SUPT16H: variants seen among roughly 807,000 people sequenced by gnomAD.
The protein encoded by SUPT16H is FACT complex subunit SPT16.
In SUPT16H, 24 loss-of-function variants were observed where a neutral mutation model predicts 136.2. That is an observed-to-expected ratio of 0.18 (90% confidence interval 0.13 to 0.25). SUPT16H has a LOEUF of 0.25. Among genes scored for constraint, SUPT16H ranks in the 10% least tolerant of loss-of-function variants. The probability of loss-of-function intolerance (pLI) is 1.00; values close to 1 mark genes in which losing one functional copy is unlikely to be tolerated. For synonymous variants in SUPT16H, 415 were observed against 428.2 expected, an observed-to-expected ratio of 0.97 and a Z score of 0.38; for missense variants, 623 against 1,270.2, an observed-to-expected ratio of 0.49 and a Z score of 7.74.
chr14:21,362,999 C>T (rs529513085), intron 13 of SUPT16H, 35 bp downstream of exon 13: 2 of 1,613,906 alleles, frequency 1.2e-6, no homozygotes, highest in South Asian at 2.2e-5. Flanking sequence ...CCACAGAACC[C>T]TCAGATGATC....
In SUPT16H at chr14:21,363,030, T is replaced by G. The variant is rs1182238675; in HGVS notation, c.1511+4A>C. 7 of 1,614,062 alleles carry G rather than the reference T, an allele frequency of 4.3e-6. No homozygotes were observed. Among genetic ancestry groups the G allele is most frequent in the Non-Finnish European group, 5.1e-6 (6 of 1,180,036 alleles). On this transcript the variant is annotated splice_donor_region_variant and intron_variant, in intron 13 of 25. Transcript: ENST00000216297. The stretch of plus-strand genomic sequence containing the variant: ...TGATCTCACTGCTCAGTGAAAACTC[T>G]TACTTCTGAATCTGCTGTTCTCCCT...
chr14:21,373,506 G>T, intron 1 of SUPT16H, 76 bp from the exon 2 acceptor site: 1 of 1,078,728 alleles, frequency 9.3e-7, no homozygotes, highest in South Asian at 1.3e-5. Context: ...ATTTATCTAG[G>T]ACAGGCATAA....
rs1354903880 is a variant in SUPT16H, at chr14:21,362,268, G to A, written c.1722C>T (p.Cys574=). The A allele has an allele frequency of 6.2e-7, 1 of 1,613,768 alleles. No homozygotes were observed. The highest frequency in any genetic ancestry group is 2.2e-5 in the East Asian group (1 of 44,866). ...DYTYLRINFY[C]PGSALGRNEG... is the part of the protein sequence containing the mutation. Reference sequence around the variant, plus strand: ...CATTCCTGCCCAGAGCACTGCCTGGGCAATAAAAGTTGATTCGCAAGTAAG... The same window carrying A: ...CATTCCTGCCCAGAGCACTGCCTGGACAATAAAAGTTGATTCGCAAGTAAG... Residue 574 remains cysteine (C), a synonymous_variant, in exon 15 of 26, where the codon TGC becomes TGT. Transcript: ENST00000216297.
Position 21,371,982 on chromosome 14 carries a change from G to T in SUPT16H, c.222C>A (p.Ile74=). The change falls in exon 3 of 26, where the codon ATC becomes ATA. Residue 74 remains isoleucine, a synonymous_variant. Transcript: ENST00000216297. ...CCACTTTTTTCTTGCTGGCCATAAA[G>T]ATGATTTTGTCATCACAAAAGACCA... ...TIMVFCDDKI[I]FMASKKKVEF... 1 of 1,614,006 alleles carries T rather than the reference G, an allele frequency of 6.2e-7. No individual in the cohort carries two copies. Among genetic ancestry groups the T allele is most frequent in the East Asian group, 2.2e-5 (1 of 44,868 alleles).
intron 16 of SUPT16H, 33 bp from the exon 17 acceptor site, chr14:21,361,005 C>T: frequency 6.2e-7 from 1 of 1,611,778 alleles, no homozygotes; most frequent in Non-Finnish European, 8.5e-7. Flanking sequence ...TGAATTGTCA[C>T]ATATCCTTAC....
chr14:21,374,023 T>C (rs893773719), intron 1 of SUPT16H, among the ~76,000 whole-genome samples: 1 of 152,240 alleles, frequency 6.6e-6, no homozygotes, highest in East Asian at 1.9e-4. Context: ...CCACCATGCC[T>C]GGGCCAAACT....
At position 21,368,475 on chromosome 14, in the gene SUPT16H, A is replaced by G. The variant is rs778321849; in HGVS notation, c.783-34T>C. The G allele has an allele frequency of 4.5e-6, 7 of 1,572,790 alleles. No homozygotes were observed. The East Asian group carries it at 1.6e-4, about 36-fold the overall frequency. ...CAACAAAGAAAGAAAACATTTCATT[A>G]CCAAAACTAGCAAAGTCCTTGGTAT... On this transcript the variant is annotated intron_variant, in intron 6 of 25. Coordinates refer to ENST00000216297, the MANE Select transcript of SUPT16H (RefSeq NM_007192.4).
At chr14:21,370,209 A>G in intron 4 of SUPT16H, 127 bp downstream of exon 4, 1 of 1,282,342 alleles carries the variant, frequency 7.8e-7, no homozygotes, top group Admixed American at 2.3e-5. Flanking sequence ...CTGCTCAGCC[A>G]AAGGGGATAA....
intron 1 of SUPT16H, among the ~76,000 whole-genome samples, chr14:21,379,717 TAA>T (rs1566397055): frequency 1.3e-5 from 2 of 151,470 alleles, no homozygotes; most frequent in Non-Finnish European, 2.9e-5. Context: ...TAAATAACAA[TAA>T]TAATAATAAT....
chr14:21,368,626 G>A (rs1886722343), intron 6 of SUPT16H, among the ~76,000 whole-genome samples, 185 bp from the exon 7 acceptor site: 1 of 152,208 alleles, frequency 6.6e-6, no homozygotes, highest in African/African-American at 2.4e-5. Context: ...AGGCTCTGGA[G>A]TAAAAGTCAG....
chr14:21,380,147 A>G (rs1415569892), intron 1 of SUPT16H, among the ~76,000 whole-genome samples: 7 of 152,184 alleles, frequency 4.6e-5, no homozygotes, highest in Non-Finnish European at 8.8e-5. Flanking sequence ...ATTCGGTATT[A>G]TAAGTAATCT....
In SUPT16H at chr14:21,360,539, G is replaced by T. The variant is rs767674166; in HGVS notation, c.2057-6C>A. 4 of 1,602,734 alleles carry T rather than the reference G, an allele frequency of 2.5e-6. No individual in the cohort carries two copies. In the East Asian group the frequency reaches 8.9e-5, roughly 36 times the overall value. On this transcript the variant is annotated splice_region_variant and splice_polypyrimidine_tract_variant and intron_variant, in intron 17 of 25. Transcript: ENST00000216297. The stretch of plus-strand genomic sequence containing the variant: ...AACAGATGTGAAGCGGAAGCCTGGG[G>T]AAAAGAATGAAGAAATGTCAAGCAG...
chr14:21,362,629 C>T (rs1375922733), intron 14 of SUPT16H, among the ~76,000 whole-genome samples, 165 bp downstream of exon 14: 1 of 151,986 alleles, frequency 6.6e-6, no homozygotes, highest in African/African-American at 2.4e-5. Context: ...GTGAAAAAAA[C>T]TGAAAGAGGA....
chr14:21,357,866 A>T (rs1188047523), intron 21 of SUPT16H, 61 bp downstream of exon 21: 10 of 1,444,510 alleles, frequency 6.9e-6, no homozygotes, highest in Middle Eastern at 1.8e-4. Context: ...GATAAAAAAC[A>T]CCTATCCTTC....
chr14:21,357,130 A>T (rs978893872), intron 22 of SUPT16H, 67 bp downstream of exon 22: 16 of 1,441,322 alleles, frequency 1.1e-5, no homozygotes, highest in African/African-American at 1.4e-5. Context: ...TGCACAACAT[A>T]CCACATTCAA....
chr14:21,365,416 A>C (rs1281395847), intron 8 of SUPT16H, among the ~76,000 whole-genome samples: 2 of 152,178 alleles, frequency 1.3e-5, no homozygotes, highest in East Asian at 3.8e-4. Context: ...TTAACCTTCT[A>C]CCATAAAATC....
intron 10 of SUPT16H, among the ~76,000 whole-genome samples, chr14:21,363,720 C>A (rs372876306): frequency 5.9e-5 from 9 of 152,008 alleles, no homozygotes; most frequent in Non-Finnish European, 1.0e-4. Context: ...CTCTTGTCAA[C>A]GAGGCTGGAG....
chr14:21,360,356 C>A, intron 18 of SUPT16H, 59 bp downstream of exon 18: 1 of 1,304,010 alleles, frequency 7.7e-7, no homozygotes, highest in Non-Finnish European at 1.1e-6. Context: ...AGGAAAGAAG[C>A]TGAGTGAAAT....
At position 21,355,861 on chromosome 14, in the gene SUPT16H, C is replaced by T. The variant is rs541356054; in HGVS notation, c.2661-1321G>A. On this transcript the variant is annotated intron_variant, in intron 22 of 25. Coordinates refer to ENST00000216297, the MANE Select transcript of SUPT16H (RefSeq NM_007192.4). ...CTTTAGACAATATACACGGCAACTT[C>T]TGCTTCCAGCCATGATGGAGTAACA... Among the ~76,000 whole-genome samples the T allele has an allele frequency of 2.0e-5, 3 of 152,326 alleles. No individual in the cohort carries two copies. The East Asian group carries it at 5.8e-4, about 29-fold the overall frequency.
Sources: gnomAD v4.1 joint callset for allele counts (sites outside exome capture counted in the v4.1 genomes callset) on GRCh38, gnomAD v4.1.1 for gene constraint, MANE v1.5 for transcripts, NCBI Gene and HGNC (gene_info 2026-07-23, HGNC 2026-07-21) for gene names.